Variants in ARHGAP28 observed in about 807,000 individuals in gnomAD.
ARHGAP28 encodes Rho GTPase activating protein 28.
A neutral mutation model predicts 90.7 loss-of-function variants in ARHGAP28; 56 were observed. The ratio of observed to expected loss-of-function variants is 0.62; its 90% CI spans 0.50 to 0.77. The LOEUF is 0.77. ARHGAP28 is among the 30% of genes least tolerant of loss of function. The probability of loss-of-function intolerance (pLI) is 0.00; values close to 1 mark genes in which losing one functional copy is unlikely to be tolerated. For missense variants in ARHGAP28, 869 were observed against 900.9 expected, an observed-to-expected ratio of 0.96 and a Z score of 0.45; for synonymous variants, 308 against 323.3, an observed-to-expected ratio of 0.95 and a Z score of 0.51.
At chr18:6,771,606 G>A (rs7227877) in intron 1 of ARHGAP28, among the ~76,000 whole-genome samples, 65,224 of 151,990 alleles carry the variant, frequency 0.43, 15,148 homozygotes, top group East Asian at 0.85. Context: ...CACTTCCTTC[G>A]TTACACATAA....
intron 16 of ARHGAP28, among the ~76,000 whole-genome samples, chr18:6,908,218 A>G (rs1284040734): frequency 6.6e-6 from 1 of 151,406 alleles, no homozygotes; most frequent in Non-Finnish European, 1.5e-5. Context: ...ACCCACTGCA[A>G]CCTCCTCTTC....
chr18:6,837,223 C>G lies in ARHGAP28; in HGVS notation c.352C>G (p.Gln118Glu), dbSNP rs752786512. The change falls in exon 3 of 18, where the codon CAA (glutamine) becomes GAA (glutamate). Residue 118 changes from glutamine (Q) to glutamate (E), a missense_variant. Physicochemically the swap from Gln to Glu is conservative, Grantham distance 29. Coordinates refer to ENST00000383472, the MANE Select transcript of ARHGAP28 (RefSeq NM_001366230.1). ...DEGELEAEWL[Q>E]DVGLSTLISG... ...AGGAGAACTTGAAGCAGAATGGCTG[C>G]AAGATGTGGGTTTATCAACTCTGAT... The G allele has an allele frequency of 5.8e-5, 91 of 1,563,274 alleles. 1 individual carries two copies. In the South Asian group the frequency reaches 1.0e-3, roughly 18 times the overall value.
At chr18:6,891,844 C>T (rs1331315907) in intron 14 of ARHGAP28, among the ~76,000 whole-genome samples, 3 of 152,162 alleles carry the variant, frequency 2.0e-5, no homozygotes, top group South Asian at 2.1e-4. Context: ...CCTTCCACTT[C>T]GGCCTCCCAA....
At chr18:6,877,447 G>A (rs566954918) in intron 10 of ARHGAP28, among the ~76,000 whole-genome samples, 1 of 152,356 alleles carries the variant, frequency 6.6e-6, no homozygotes, top group African/African-American at 2.4e-5. Flanking sequence ...TCACCCCGTC[G>A]TGGGCTGGGG....
intron 17 of ARHGAP28, among the ~76,000 whole-genome samples, chr18:6,910,713 C>T (rs2057391708): frequency 6.6e-6 from 1 of 152,132 alleles, no homozygotes; most frequent in African/African-American, 2.4e-5. Context: ...CCTTGTGCTG[C>T]TCTTAGACAT....
intron 1 of ARHGAP28, among the ~76,000 whole-genome samples, chr18:6,760,432 A>G (rs1386492599): frequency 2.0e-5 from 3 of 152,230 alleles, no homozygotes; most frequent in South Asian, 4.1e-4. Context: ...GTAAAATTAT[A>G]CAGTAGAGTA....
chr18:6,754,774 G>A (rs1196608637), intron 1 of ARHGAP28: 1 of 152,180 alleles, frequency 6.6e-6, no homozygotes, highest in Non-Finnish European at 1.5e-5. Context: ...AGTTTCCCAA[G>A]TAGACTATAT....
At chr18:6,806,059 GT>G (rs979655174) in intron 1 of ARHGAP28, among the ~76,000 whole-genome samples, 1 of 150,862 alleles carries the variant, frequency 6.6e-6, no homozygotes, top group Non-Finnish European at 1.5e-5. Context: ...TAATTGTTTT[GT>G]TTTTTTGTAT....
intron 5 of ARHGAP28, among the ~76,000 whole-genome samples, chr18:6,860,399 T>C (rs766228555): frequency 2.0e-5 from 3 of 151,808 alleles, no homozygotes; most frequent in Non-Finnish European, 2.9e-5. Context: ...ACTTGTACTT[T>C]TGTTTTGTCA....
intron 3 of ARHGAP28, among the ~76,000 whole-genome samples, chr18:6,839,655 G>T (rs1248855282): frequency 6.6e-6 from 1 of 152,134 alleles, no homozygotes; most frequent in Admixed American, 6.5e-5. Flanking sequence ...CCCTTCACTT[G>T]CATTTTATTT....
chr18:6,863,929 C>G (rs1035834174), intron 5 of ARHGAP28, among the ~76,000 whole-genome samples: 2 of 151,824 alleles, frequency 1.3e-5, no homozygotes, highest in Admixed American at 6.6e-5. Flanking sequence ...ATTACAGATG[C>G]CCGCCACCAC....
chr18:6,756,613 T>A (rs959596335), intron 1 of ARHGAP28, among the ~76,000 whole-genome samples: 1 of 152,184 alleles, frequency 6.6e-6, no homozygotes, highest in Non-Finnish European at 1.5e-5. Context: ...TATGTATATA[T>A]GAAAGGGAGT....
At chr18:6,742,931 G>A (rs1040388563) in intron 1 of ARHGAP28, among the ~76,000 whole-genome samples, 2 of 152,172 alleles carry the variant, frequency 1.3e-5, no homozygotes, top group African/African-American at 4.8e-5. Context: ...GAACAATATG[G>A]TAAAGAAAAT....
chr18:6,806,442 C>T (rs2056519774), intron 1 of ARHGAP28, among the ~76,000 whole-genome samples: 1 of 151,352 alleles, frequency 6.6e-6, no homozygotes. Flanking sequence ...TAGAAACTTT[C>T]CAAAATAAAA....
At chr18:6,825,821 G>A (rs1455095211) in intron 2 of ARHGAP28, among the ~76,000 whole-genome samples, 2 of 152,150 alleles carry the variant, frequency 1.3e-5, no homozygotes, top group Non-Finnish European at 2.9e-5. Flanking sequence ...ATCCCATCTT[G>A]TATATGTATC....
intron 1 of ARHGAP28, among the ~76,000 whole-genome samples, chr18:6,783,570 G>A (rs1424886048): frequency 6.6e-6 from 1 of 151,808 alleles, no homozygotes; most frequent in Non-Finnish European, 1.5e-5. Context: ...CAAAGTGCTG[G>A]GATTACAGGC....
chr18:6,906,466 GTC>G (rs1317618059), intron 16 of ARHGAP28, among the ~76,000 whole-genome samples: 7 of 152,062 alleles, frequency 4.6e-5, no homozygotes, highest in African/African-American at 1.7e-4. Context: ...TCTCCTTTCT[GTC>G]TCTCTGAATT....
intron 11 of ARHGAP28, 164 bp downstream of exon 11, chr18:6,882,463 C>A (rs778409458): frequency 2.5e-5 from 14 of 566,442 alleles, no homozygotes; most frequent in Non-Finnish European, 3.7e-5. Context: ...TACTTACATA[C>A]TTATATACTT....
chr18:6,744,964 TTTAA>T lies in ARHGAP28; in HGVS notation c.122+15025_122+15028del, dbSNP rs542570588. ...ATTTAATAATTTCATTTATACTTAA[TTTAA>T]TTATATTTAATTTAACTATGTTTAT... On this transcript the variant is annotated intron_variant, in intron 1 of 17. Transcript: ENST00000383472. 1.1e-4 allele frequency among the ~76,000 whole-genome samples: 16 copies of T among 151,938 alleles called. No homozygotes were observed. The East Asian group carries it at 2.9e-3, about 27-fold the overall frequency.
Sources: allele counts gnomAD v4.1 joint callset (sites outside exome capture counted in the v4.1 genomes callset), GRCh38; gene constraint gnomAD v4.1.1; transcripts MANE v1.5; gene names NCBI Gene and HGNC (gene_info 2026-07-23, HGNC 2026-07-21).